SPOCK3: variants seen among roughly 807,000 people sequenced by gnomAD.
The protein encoded by SPOCK3 is testican-3.
A neutral mutation model predicts 56.6 loss-of-function variants in SPOCK3; 30 were observed. The ratio of observed to expected loss-of-function variants is 0.53; its 90% CI spans 0.40 to 0.72. The LOEUF (loss-of-function observed/expected upper bound fraction) is 0.72. Among genes scored for constraint, SPOCK3 ranks in the 30% least tolerant of loss-of-function variants. The probability of loss-of-function intolerance (pLI) is 0.00; values close to 1 mark genes in which losing one functional copy is unlikely to be tolerated. For missense variants in SPOCK3, 527 were observed against 530.0 expected (o/e 0.99, Z 0.06); for synonymous variants, 196 against 183.3 (o/e 1.07, Z -0.56).
At position 167,183,056 on chromosome 4, in the gene SPOCK3, A is replaced by C. The variant is rs539805856; in HGVS notation, c.189+50929T>G. Among the ~76,000 whole-genome samples the C allele has an allele frequency of 2.0e-5, 3 of 152,150 alleles. No individual in the cohort carries two copies. In the South Asian group the frequency reaches 6.2e-4, roughly 32 times the overall value. On this transcript the variant is annotated intron_variant, in intron 2 of 10. Transcript: ENST00000357545. ...ACTGTGCAAGTTCCTGATTGTTCTT[A>C]TTTCTTGAGCATTACAATGATTACA...
chr4:166,901,373 G>A (rs945628020), intron 5 of SPOCK3, among the ~76,000 whole-genome samples: 2 of 152,078 alleles, frequency 1.3e-5, no homozygotes, highest in African/African-American at 4.8e-5. Context: ...GAACGATATA[G>A]GTCCCACCTG....
intron 4 of SPOCK3, among the ~76,000 whole-genome samples, chr4:166,979,736 A>C (rs1318151715): frequency 6.6e-6 from 1 of 152,016 alleles, no homozygotes; most frequent in Non-Finnish European, 1.5e-5. Flanking sequence ...TCTATTCTCT[A>C]TTTTTGTCTT....
intron 4 of SPOCK3, among the ~76,000 whole-genome samples, chr4:166,955,629 T>A (rs991451407): frequency 2.7e-5 from 4 of 146,194 alleles, no homozygotes; most frequent in Non-Finnish European, 6.0e-5. Context: ...TAATATAATT[T>A]AATTATATTA....
intron 4 of SPOCK3, among the ~76,000 whole-genome samples, chr4:166,948,974 G>A (rs550330806): frequency 1.1e-4 from 16 of 152,110 alleles, no homozygotes; most frequent in Non-Finnish European, 2.1e-4. Flanking sequence ...TCACTTTCAC[G>A]TACACCAATC....
chr4:167,149,275 T>C (rs1336963930), intron 2 of SPOCK3, among the ~76,000 whole-genome samples: 1 of 152,142 alleles, frequency 6.6e-6, no homozygotes, highest in African/African-American at 2.4e-5. Context: ...CAACAGCAAA[T>C]AAGGCATAAT....
intron 6 of SPOCK3, among the ~76,000 whole-genome samples, chr4:166,816,783 T>G (rs533543444): frequency 6.6e-6 from 1 of 152,026 alleles, no homozygotes; most frequent in Non-Finnish European, 1.5e-5. Flanking sequence ...ATAAAAACAT[T>G]AAGGAAAACA....
chr4:166,858,006 C>A (rs1332353295), intron 6 of SPOCK3, among the ~76,000 whole-genome samples: 2 of 152,162 alleles, frequency 1.3e-5, no homozygotes, highest in African/African-American at 2.4e-5. Context: ...ATTTTGAATT[C>A]TAACATTAAC....
chr4:166,880,553 C>G (rs1260425184), intron 6 of SPOCK3, among the ~76,000 whole-genome samples: 2 of 152,160 alleles, frequency 1.3e-5, no homozygotes, highest in Non-Finnish European at 2.9e-5. Flanking sequence ...TGTGTCTATA[C>G]TTGGTTTGGC....
At chr4:167,042,875 G>T (rs1041760181) in intron 3 of SPOCK3, among the ~76,000 whole-genome samples, 3 of 152,086 alleles carry the variant, frequency 2.0e-5, no homozygotes, top group African/African-American at 7.2e-5. Flanking sequence ...GGGTTAAGGG[G>T]TAGTTATTTG....
intron 4 of SPOCK3, among the ~76,000 whole-genome samples, chr4:166,924,460 T>C (rs1378706226): frequency 6.6e-6 from 1 of 152,240 alleles, no homozygotes; most frequent in Non-Finnish European, 1.5e-5. Context: ...ACATGACTTT[T>C]TAGAATAACA....
At chr4:166,921,558 C>T (rs987904382) in intron 4 of SPOCK3, among the ~76,000 whole-genome samples, 3 of 151,972 alleles carry the variant, frequency 2.0e-5, no homozygotes, top group South Asian at 2.1e-4. Context: ...CCTTGTGATC[C>T]GCCCGCCTTG....
chr4:166,855,639 C>A (rs1730565859), intron 6 of SPOCK3, among the ~76,000 whole-genome samples: 1 of 152,158 alleles, frequency 6.6e-6, no homozygotes, highest in African/African-American at 2.4e-5. Context: ...TTCACTACTA[C>A]CACTCTTATT....
intron 2 of SPOCK3, among the ~76,000 whole-genome samples, chr4:167,135,397 A>C (rs989592950): frequency 6.6e-6 from 1 of 152,184 alleles, no homozygotes; most frequent in Non-Finnish European, 1.5e-5. Context: ...TTTTTAATAG[A>C]AAGTGCATAG....
chr4:167,091,614 C>G (rs867901987), intron 2 of SPOCK3, among the ~76,000 whole-genome samples: 1 of 152,136 alleles, frequency 6.6e-6, no homozygotes, highest in African/African-American at 2.4e-5. Flanking sequence ...GTGTTGGACA[C>G]AACTTTTTAC....
intron 5 of SPOCK3, among the ~76,000 whole-genome samples, chr4:166,901,819 A>C (rs1736082190): frequency 6.6e-6 from 1 of 152,064 alleles, no homozygotes; most frequent in African/African-American, 2.4e-5. Flanking sequence ...TGCTGAGATA[A>C]ATTTTGCTTG....
intron 6 of SPOCK3, among the ~76,000 whole-genome samples, chr4:166,831,702 C>T (rs994934016): frequency 6.8e-6 from 1 of 146,974 alleles, no homozygotes; most frequent in African/African-American, 2.5e-5. Context: ...ATTATATGGA[C>T]CTATTTTTTT....
chr4:166,840,647 G>C (rs776922444), intron 6 of SPOCK3, among the ~76,000 whole-genome samples: 2 of 151,830 alleles, frequency 1.3e-5, no homozygotes, highest in Non-Finnish European at 2.9e-5. Flanking sequence ...TCCCTAGCTA[G>C]TTGTCCACCT....
intron 5 of SPOCK3, among the ~76,000 whole-genome samples, chr4:166,910,092 T>C (rs1737097801): frequency 6.6e-6 from 1 of 152,166 alleles, no homozygotes; most frequent in African/African-American, 2.4e-5. Flanking sequence ...CCTAAATCTT[T>C]ACTGGGCTAA....
At chr4:166,891,874 A>G (rs984361251) in intron 5 of SPOCK3, among the ~76,000 whole-genome samples, 1 of 152,052 alleles carries the variant, frequency 6.6e-6, no homozygotes, top group African/African-American at 2.4e-5. Flanking sequence ...AATATTAATT[A>G]TAGCTAATAT....
Sources: gnomAD v4.1 joint callset for allele counts (sites outside exome capture counted in the v4.1 genomes callset) on GRCh38, gnomAD v4.1.1 for gene constraint, MANE v1.5 for transcripts, NCBI Gene and HGNC (gene_info 2026-07-23, HGNC 2026-07-21) for gene names.